Variants in ROBO2 observed in about 807,000 individuals in gnomAD.
ROBO2 encodes the protein roundabout homolog 2.
In ROBO2, 53 loss-of-function variants were observed where a neutral mutation model predicts 160.8. The ratio of observed to expected loss-of-function variants is 0.33; its 90% CI spans 0.26 to 0.41. The LOEUF is 0.41. Among genes scored for constraint, ROBO2 ranks in the 10% least tolerant of loss-of-function variants. ROBO2 has a pLI of 1.00. For synonymous variants in ROBO2, 664 were observed against 611.7 expected (o/e 1.09, Z -1.26); for missense variants, 1,577 against 1,722.4 (o/e 0.92, Z 1.49).
rs2071689199 is a variant in ROBO2 at position 76,142,036 on chromosome 3, G to T, written c.109+204434G>T. ...GTGTCAATAGTTTAGTGGCTGAGGG[G>T]GTCAGACATATAAGACACAAATGCA... On this transcript the variant is annotated intron_variant, in intron 2 of 26. Coordinates refer to the ROBO2 transcript ENST00000487694. Among the ~76,000 whole-genome samples, 5 of 151,810 alleles carry T rather than the reference G, an allele frequency of 3.3e-5. No individual in the cohort carries two copies. The South Asian group carries it at 1.0e-3, about 31-fold the overall frequency.
chr3:76,902,424 A>G (rs966396628), intron 2 of ROBO2, among the ~76,000 whole-genome samples: 3 of 152,080 alleles, frequency 2.0e-5, no homozygotes, highest in African/African-American at 4.8e-5. Flanking sequence ...TTCAAGCTAT[A>G]TTAGGCATTT....
At chr3:76,585,523 G>T (rs2108770444) in intron 2 of ROBO2, among the ~76,000 whole-genome samples, 1 of 152,260 alleles carries the variant, frequency 6.6e-6, no homozygotes, top group African/African-American at 2.4e-5. Context: ...GGATGGGGTT[G>T]AATTTGTATT....
chr3:76,519,867 A>G (rs986650244), intron 2 of ROBO2, among the ~76,000 whole-genome samples: 10 of 152,164 alleles, frequency 6.6e-5, no homozygotes, highest in African/African-American at 1.9e-4. Context: ...ATGCATTGAT[A>G]CACTTGACAA....
intron 2 of ROBO2, among the ~76,000 whole-genome samples, chr3:76,407,281 G>A (rs988322264): frequency 6.6e-6 from 1 of 151,816 alleles, no homozygotes; most frequent in African/African-American, 2.4e-5. Flanking sequence ...AGCCTGTCTT[G>A]TCTTTCTGCA....
chr3:76,379,715 TA>T (rs1210507967), intron 2 of ROBO2, among the ~76,000 whole-genome samples: 2 of 152,274 alleles, frequency 1.3e-5, no homozygotes, highest in Non-Finnish European at 2.9e-5. Flanking sequence ...GACAAAACTT[TA>T]AAAAAATGCT....
chr3:76,724,901 C>A (rs1412673784), intron 2 of ROBO2, among the ~76,000 whole-genome samples: 1 of 152,068 alleles, frequency 6.6e-6, no homozygotes, highest in African/African-American at 2.4e-5. Flanking sequence ...GAAAAGAAGT[C>A]AGTGTGACCA....
chr3:76,743,087 G>C (rs9857277), intron 2 of ROBO2, among the ~76,000 whole-genome samples: 2,749 of 152,094 alleles, frequency 0.018, 69 homozygotes, highest in African/African-American at 0.058. Flanking sequence ...GCACCATATC[G>C]CAGGTTATGA....
At chr3:76,696,208 G>C (rs911547100) in intron 2 of ROBO2, among the ~76,000 whole-genome samples, 2 of 152,068 alleles carry the variant, frequency 1.3e-5, no homozygotes, top group African/African-American at 4.8e-5. Context: ...GAACGTCGTA[G>C]CGAGTCTAGC....
intron 2 of ROBO2, among the ~76,000 whole-genome samples, chr3:76,908,608 C>G (rs762692015): frequency 6.6e-6 from 1 of 152,190 alleles, no homozygotes; most frequent in Non-Finnish European, 1.5e-5. Context: ...CTTAGATAAT[C>G]CTTTTACGAA....
In ROBO2 at chr3:76,406,467, A is replaced by AT. The variant is rs892864582; in HGVS notation, c.109+468873dup. 7.3e-5 allele frequency among the ~76,000 whole-genome samples: 11 copies of AT among 151,568 alleles called. No homozygotes were observed. The South Asian group carries it at 8.3e-4, about 11-fold the overall frequency. ...GATAGCAGTGATTATTTCATATTCCATTTTTTTTCCCTTAAGAAAATGGCC... is the reference window on the plus strand; with the variant it reads ...GATAGCAGTGATTATTTCATATTCCATTTTTTTTTCCCTTAAGAAAATGGCC... On this transcript the variant is annotated intron_variant, in intron 2 of 26. Transcript: ENST00000487694.
chr3:77,248,417 C>A (rs1284907474), intron 2 of ROBO2, among the ~76,000 whole-genome samples: 1 of 151,880 alleles, frequency 6.6e-6, no homozygotes, highest in Non-Finnish European at 1.5e-5. Context: ...GCTGTTAACA[C>A]TGAAAAACTG....
chr3:77,476,400 G>A (rs1487277116), intron 2 of ROBO2, among the ~76,000 whole-genome samples: 3 of 122,316 alleles, frequency 2.5e-5, no homozygotes, highest in African/African-American at 8.5e-5. Context: ...GTGTGTGTGT[G>A]TGTGTGTAGG....
chr3:76,031,305 C>G (rs2066911960), intron 2 of ROBO2, among the ~76,000 whole-genome samples: 1 of 152,116 alleles, frequency 6.6e-6, no homozygotes, highest in African/African-American at 2.4e-5. Flanking sequence ...ATGTCATATG[C>G]AAACAGGGAC....
chr3:76,203,551 C>A (rs572648477), intron 2 of ROBO2, among the ~76,000 whole-genome samples: 2 of 16,996 alleles, frequency 1.2e-4, no homozygotes, highest in East Asian at 3.9e-3. Flanking sequence ...CCCATAATTT[C>A]TTCTCCTTTC....
chr3:76,706,678 T>C (rs1226770049), intron 2 of ROBO2, among the ~76,000 whole-genome samples: 8 of 152,174 alleles, frequency 5.3e-5, no homozygotes, highest in Non-Finnish European at 1.0e-4. Flanking sequence ...GGCAATTTTA[T>C]TCTTATTTGG....
intron 2 of ROBO2, among the ~76,000 whole-genome samples, chr3:76,257,509 G>A (rs1017161193): frequency 6.6e-6 from 1 of 152,172 alleles, no homozygotes; most frequent in Non-Finnish European, 1.5e-5. Context: ...CTCCCAAATT[G>A]TGAGGATTCC....
At chr3:76,521,620 T>C (rs1270575159) in intron 2 of ROBO2, among the ~76,000 whole-genome samples, 3 of 152,152 alleles carry the variant, frequency 2.0e-5, no homozygotes, top group African/African-American at 7.2e-5. Context: ...AATGCCTATA[T>C]TGTTCTGTTA....
chr3:77,173,363 C>T (rs1438601875), intron 2 of ROBO2, among the ~76,000 whole-genome samples: 1 of 134,204 alleles, frequency 7.5e-6, no homozygotes, highest in African/African-American at 2.6e-5. Context: ...AATGTACCCA[C>T]ATTATAATTT....
intron 2 of ROBO2, among the ~76,000 whole-genome samples, chr3:76,922,415 G>C (rs1422272528): frequency 6.6e-6 from 1 of 152,220 alleles, no homozygotes; most frequent in Non-Finnish European, 1.5e-5. Context: ...GGCTTCGAGA[G>C]CATGAGGAGG....
Sources: allele counts gnomAD v4.1 joint callset (sites outside exome capture counted in the v4.1 genomes callset), GRCh38; gene constraint gnomAD v4.1.1; transcripts MANE v1.5; gene names NCBI Gene and HGNC (gene_info 2026-07-23, HGNC 2026-07-21).